Variants in DENND1B observed in about 807,000 individuals in gnomAD.
DENND1B encodes the protein DENN domain containing 1B.
Under a neutral mutation model 90.1 loss-of-function variants are expected in DENND1B, and 59 were observed. That is an observed-to-expected ratio of 0.65 (90% CI 0.53 to 0.81). DENND1B has a LOEUF of 0.81. Ranked by LOEUF, DENND1B falls within the 40% of genes least tolerant of loss-of-function variation. DENND1B has a pLI of 0.00. For missense variants in DENND1B, 862 were observed against 912.6 expected (o/e 0.94, Z 0.71); for synonymous variants, 337 against 324.6 (o/e 1.04, Z -0.41).
At chr1:197,620,125 C>T (rs980917151) in intron 10 of DENND1B, among the ~76,000 whole-genome samples, 2 of 150,906 alleles carry the variant, frequency 1.3e-5, no homozygotes, top group African/African-American at 4.9e-5. Context: ...TGGAGATTTC[C>T]AAAGAAGACG....
chr1:197,728,813 T>G (rs1378174024), intron 2 of DENND1B, among the ~76,000 whole-genome samples: 3 of 152,198 alleles, frequency 2.0e-5, no homozygotes, highest in Admixed American at 6.5e-5. Context: ...CAAACTGTGT[T>G]AATATTTAAT....
chr1:197,775,763 A>C (rs377007406), upstream of DENND1B: 1 of 152,390 alleles, frequency 6.6e-6, no homozygotes, highest in African/African-American at 2.4e-5. Flanking sequence ...TCGGGGCTGC[A>C]ACCCCACAAA....
At chr1:197,544,312 C>T (rs1670556468) in intron 18 of DENND1B, among the ~76,000 whole-genome samples, 2 of 152,030 alleles carry the variant, frequency 1.3e-5, no homozygotes, top group African/African-American at 4.8e-5. Context: ...AAGAAACTGA[C>T]ATTCCAATTA....
chr1:197,557,343 G>A (rs1010213559), intron 15 of DENND1B, among the ~76,000 whole-genome samples: 1 of 151,830 alleles, frequency 6.6e-6, no homozygotes, highest in Non-Finnish European at 1.5e-5. Flanking sequence ...ATTAAGACTA[G>A]AAGACTTGCT....
intron 3 of DENND1B, chr1:197,690,144 CA>C: frequency 7.4e-6 from 2 of 271,704 alleles, no homozygotes; most frequent in South Asian, 5.3e-5. Flanking sequence ...TGAAATGCAC[CA>C]AAAAGCTTTG....
chr1:197,770,128 G>C (rs1443730538), intron 2 of DENND1B, among the ~76,000 whole-genome samples: 1 of 152,082 alleles, frequency 6.6e-6, no homozygotes, highest in Non-Finnish European at 1.5e-5. Context: ...GGTTACTGCT[G>C]CTTACATGGC....
chr1:197,562,787 C>T (rs1205424922), intron 15 of DENND1B, among the ~76,000 whole-genome samples: 1 of 151,898 alleles, frequency 6.6e-6, no homozygotes, highest in East Asian at 1.9e-4. Context: ...GCCTCTTGCA[C>T]CAAGCAATTA....
chr1:197,721,647 A>G (rs1025700980), intron 2 of DENND1B, among the ~76,000 whole-genome samples: 12 of 152,000 alleles, frequency 7.9e-5, no homozygotes, highest in African/African-American at 2.9e-4. Context: ...AAAAATATAA[A>G]TATTCTTTAA....
At chr1:197,626,885 GAAT>G (rs766094570) in intron 10 of DENND1B, among the ~76,000 whole-genome samples, 1 of 152,058 alleles carries the variant, frequency 6.6e-6, no homozygotes, top group Non-Finnish European at 1.5e-5. Flanking sequence ...TACCATCAAA[GAAT>G]ACTACAAACA....
At chr1:197,618,650 A>C (rs1231609066) in intron 10 of DENND1B, among the ~76,000 whole-genome samples, 1 of 151,088 alleles carries the variant, frequency 6.6e-6, no homozygotes, top group Non-Finnish European at 1.5e-5. Flanking sequence ...ATTTCTGTAG[A>C]TGTAAAGTCA....
At chr1:197,689,718 A>C (rs1657651634) in intron 3 of DENND1B, 1 of 152,662 alleles carries the variant, frequency 6.6e-6, no homozygotes, top group Non-Finnish European at 1.5e-5. Flanking sequence ...CATTTGTGCC[A>C]ATTTCTTTTT....
chr1:197,680,201 A>G (rs1448650869), intron 3 of DENND1B, among the ~76,000 whole-genome samples: 2 of 99,088 alleles, frequency 2.0e-5, no homozygotes, highest in Non-Finnish European at 4.8e-5. Context: ...ACCCAGCTCT[A>G]TCTAAGAAAA....
At chr1:197,545,020 G>A (rs1417252356) in intron 18 of DENND1B, among the ~76,000 whole-genome samples, 3 of 30,510 alleles carry the variant, frequency 9.8e-5, no homozygotes, top group African/African-American at 2.0e-4. Flanking sequence ...CGACGACGAC[G>A]AAAGAAGGAG....
chr1:197,578,189 A>C (rs1673862714), intron 15 of DENND1B, among the ~76,000 whole-genome samples: 1 of 152,104 alleles, frequency 6.6e-6, no homozygotes, highest in Non-Finnish European at 1.5e-5. Flanking sequence ...GTTAATACTA[A>C]TGTATTGTAC....
intron 2 of DENND1B, among the ~76,000 whole-genome samples, chr1:197,723,225 A>G (rs1432722593): frequency 6.6e-6 from 1 of 152,160 alleles, no homozygotes; most frequent in Non-Finnish European, 1.5e-5. Flanking sequence ...TTTAAACAAG[A>G]CCTATTATAA....
At chr1:197,631,759 TTA>T (rs1240223550) in intron 10 of DENND1B, among the ~76,000 whole-genome samples, 2 of 151,890 alleles carry the variant, frequency 1.3e-5, no homozygotes, top group Non-Finnish European at 2.9e-5. Flanking sequence ...TATATAACCT[TTA>T]TCTTATGTCT....
intron 15 of DENND1B, among the ~76,000 whole-genome samples, chr1:197,566,610 C>T (rs958008598): frequency 6.6e-6 from 1 of 152,002 alleles, no homozygotes; most frequent in Non-Finnish European, 1.5e-5. Context: ...AATAGGGAAT[C>T]ACTCATCAAC....
intron 20 of DENND1B, among the ~76,000 whole-genome samples, chr1:197,536,003 G>A (rs1669849302): frequency 6.6e-6 from 1 of 151,796 alleles, no homozygotes; most frequent in African/African-American, 2.4e-5. Context: ...AGTGGGAGGG[G>A]AGGAGAGAAA....
intron 20 of DENND1B, among the ~76,000 whole-genome samples, chr1:197,516,984 C>T (rs1051668942): frequency 6.6e-6 from 1 of 151,850 alleles, no homozygotes; most frequent in Non-Finnish European, 1.5e-5. Flanking sequence ...TGTATGGCCA[C>T]ATATTTGGTA....
Sources: gnomAD v4.1 joint callset for allele counts (sites outside exome capture counted in the v4.1 genomes callset) on GRCh38, gnomAD v4.1.1 for gene constraint, MANE v1.5 for transcripts, NCBI Gene and HGNC (gene_info 2026-07-23, HGNC 2026-07-21) for gene names.